Variants in NLGN1 observed in about 807,000 individuals in gnomAD.
The protein encoded by NLGN1 is neuroligin 1.
In NLGN1, 12 loss-of-function variants were observed where a neutral mutation model predicts 65.5. The ratio of observed to expected loss-of-function variants is 0.18; its 90% CI spans 0.12 to 0.30. The LOEUF is 0.30. NLGN1 is among the 10% of genes least tolerant of loss of function. NLGN1 has a pLI of 1.00. For synonymous variants in NLGN1, 350 were observed against 359.5 expected (o/e 0.97, Z 0.30); for missense variants, 750 against 1,007.1 (o/e 0.74, Z 3.46).
intron 4 of NLGN1, among the ~76,000 whole-genome samples, chr3:174,153,028 C>T (rs1253216778): frequency 6.6e-6 from 1 of 152,098 alleles, no homozygotes; most frequent in African/African-American, 2.4e-5. Flanking sequence ...TCTGACTTTA[C>T]TTCCTGCCTC....
chr3:174,272,348 A>G (rs1436350345), intron 4 of NLGN1, among the ~76,000 whole-genome samples: 1 of 151,778 alleles, frequency 6.6e-6, no homozygotes, highest in Non-Finnish European at 1.5e-5. Flanking sequence ...ATAGCAAGGT[A>G]TAGAATGCTG....
chr3:174,075,839 T>C (rs1485919134), intron 4 of NLGN1, among the ~76,000 whole-genome samples: 1 of 152,196 alleles, frequency 6.6e-6, no homozygotes. Flanking sequence ...CTATTAATAT[T>C]TAAATTTCAT....
chr3:173,544,018 T>A (rs990578684), intron 2 of NLGN1, among the ~76,000 whole-genome samples: 1 of 152,086 alleles, frequency 6.6e-6, no homozygotes, highest in African/African-American at 2.4e-5. Flanking sequence ...TAAAGATGAA[T>A]GTTTCAGAGA....
At chr3:174,165,720 T>C (rs1262690363) in intron 4 of NLGN1, among the ~76,000 whole-genome samples, 2 of 152,030 alleles carry the variant, frequency 1.3e-5, no homozygotes, top group Non-Finnish European at 2.9e-5. Context: ...ATACAAAGAG[T>C]TACAGAGGAG....
intron 4 of NLGN1, among the ~76,000 whole-genome samples, chr3:174,173,436 C>A (rs1577211730): frequency 1.3e-5 from 2 of 152,144 alleles, no homozygotes; most frequent in Non-Finnish European, 2.9e-5. Flanking sequence ...GTGATATTAG[C>A]TATGTGTCTG....
At chr3:174,066,457 A>G (rs1383215042) in intron 4 of NLGN1, among the ~76,000 whole-genome samples, 2 of 146,500 alleles carry the variant, frequency 1.4e-5, no homozygotes, top group Non-Finnish European at 3.0e-5. Flanking sequence ...CTTTCCTTTC[A>G]CTTTTGACCC....
chr3:174,116,928 A>G (rs1161882681), intron 4 of NLGN1, among the ~76,000 whole-genome samples: 1 of 152,194 alleles, frequency 6.6e-6, no homozygotes, highest in Non-Finnish European at 1.5e-5. Context: ...AATGGAAAGT[A>G]TATACTGGAG....
intron 3 of NLGN1, among the ~76,000 whole-genome samples, chr3:173,771,269 A>T (rs1038678946): frequency 6.6e-6 from 1 of 152,238 alleles, no homozygotes; most frequent in Non-Finnish European, 1.5e-5. Context: ...ATTTTTGTGC[A>T]TAGTAGGTTC....
chr3:173,650,924 A>G (rs77912074), intron 3 of NLGN1, among the ~76,000 whole-genome samples: 2 of 143,258 alleles, frequency 1.4e-5, no homozygotes, highest in African/African-American at 5.1e-5. Context: ...TTGCCTGTTT[A>G]TTTTTTTTTT....
Position 174,066,556 on chromosome 3 carries a change from C to CTGTGTGTG in NLGN1, c.647-208758_647-208757insGTGTGTGT, listed in dbSNP as rs1176839455. 2.2e-3 allele frequency among the ~76,000 whole-genome samples: 291 copies of CTGTGTGTG among 133,816 alleles called. 1 individual carries two copies. Among genetic ancestry groups the CTGTGTGTG allele is most frequent in the African/African-American group, 8.2e-3 (265 of 32,436 alleles). The allele number at this position is 133,816 out of a possible 152,430, so 87.8% of individuals were successfully genotyped here. A position where few individuals can be genotyped will look rare whatever the true frequency, so the allele number is the denominator to read the frequency against. ...TCTCTCTCTCTCTCTCTCTCTCTCTCTCTCTCTCTGTGTGTGTGTGTGTGT... is the reference window on the plus strand; with the variant it reads ...TCTCTCTCTCTCTCTCTCTCTCTCTCTGTGTGTGTCTCTCTCTGTGTGTGTGTGTGTGT... On this transcript the variant is annotated intron_variant, in intron 4 of 6. Coordinates refer to ENST00000457714, the Ensembl canonical transcript of NLGN1.
chr3:173,837,962 T>G (rs1723981655), intron 4 of NLGN1, among the ~76,000 whole-genome samples: 1 of 152,158 alleles, frequency 6.6e-6, no homozygotes, highest in African/African-American at 2.4e-5. Context: ...AACTTGTATG[T>G]TTGAAGTTTT....
At chr3:173,980,271 C>T (rs1299579093) in intron 4 of NLGN1, among the ~76,000 whole-genome samples, 3 of 151,908 alleles carry the variant, frequency 2.0e-5, no homozygotes, top group Admixed American at 2.0e-4. Flanking sequence ...AATGTATGTT[C>T]TTTTTAAGTT....
intron 2 of NLGN1, among the ~76,000 whole-genome samples, chr3:173,437,382 TAAGATTGA>T (rs998112844): frequency 1.3e-5 from 2 of 152,164 alleles, no homozygotes; most frequent in Non-Finnish European, 2.9e-5. Context: ...AGAAGCCCTT[TAAGATTGA>T]ATGAAGGAAG....
chr3:173,909,226 A>T (rs988293597), intron 4 of NLGN1, among the ~76,000 whole-genome samples: 4 of 150,834 alleles, frequency 2.7e-5, no homozygotes, highest in Admixed American at 6.6e-5. Flanking sequence ...CAGTTAAGAT[A>T]AAAAAAAAGC....
Position 174,123,307 on chromosome 3 carries a change from A to T in NLGN1, c.647-152008A>T, listed in dbSNP as rs369680095. On this transcript the variant is annotated intron_variant, in intron 4 of 6. Transcript: ENST00000457714. ...TGGGATTTGTTGCTGGTGAATTACAAAAGAGACAGCCGAGAGCCCATGCAT... is the reference window on the plus strand; with the variant it reads ...TGGGATTTGTTGCTGGTGAATTACATAAGAGACAGCCGAGAGCCCATGCAT... Among the ~76,000 whole-genome samples, 17 of 152,160 alleles carry T rather than the reference A, an allele frequency of 1.1e-4. No homozygotes were observed. In the East Asian group the frequency reaches 3.1e-3, roughly 28 times the overall value.
chr3:174,286,237 A>G (rs1752100152), exon 7 of NLGN1: 1 of 151,538 alleles, frequency 6.6e-6, no homozygotes, highest in South Asian at 2.1e-4. Flanking sequence ...ATGACATTGT[A>G]TAACTACCTA....
chr3:173,517,776 A>ATCTATCTATCTG (rs1734062267), intron 2 of NLGN1, among the ~76,000 whole-genome samples: 1 of 151,830 alleles, frequency 6.6e-6, no homozygotes, highest in African/African-American at 2.4e-5. Flanking sequence ...CTATCTATCT[A>ATCTATCTATCTG]TCTATCTATC....
intron 2 of NLGN1, among the ~76,000 whole-genome samples, chr3:173,579,868 T>C (rs924976519): frequency 1.1e-4 from 17 of 151,734 alleles, no homozygotes; most frequent in African/African-American, 4.1e-4. Flanking sequence ...TGGTAGAGGA[T>C]TTTTTTTTCT....
At chr3:174,185,021 A>G (rs1731136653) in intron 4 of NLGN1, among the ~76,000 whole-genome samples, 1 of 143,818 alleles carries the variant, frequency 7.0e-6, no homozygotes, top group Admixed American at 7.3e-5. Context: ...CACAACTAAT[A>G]TAGGAATGGG....
Sources: allele counts gnomAD v4.1 joint callset (sites outside exome capture counted in the v4.1 genomes callset), GRCh38; gene constraint gnomAD v4.1.1; transcripts MANE v1.5; gene names NCBI Gene and HGNC (gene_info 2026-07-23, HGNC 2026-07-21).